Variants in CDH4 observed in about 807,000 individuals in gnomAD.
The protein encoded by CDH4 is cadherin 4.
In CDH4, 33 loss-of-function variants were observed where a neutral mutation model predicts 86.0. The ratio of observed to expected loss-of-function variants is 0.38; its 90% confidence interval spans 0.29 to 0.51. The LOEUF (loss-of-function observed/expected upper bound fraction) is 0.51. CDH4 is among the 20% of genes least tolerant of loss of function. The pLI is 0.86. For synonymous variants in CDH4, 555 were observed against 549.4 expected (o/e 1.01, Z -0.14); for missense variants, 1,114 against 1,307.4 (o/e 0.85, Z 2.28).
At chr20:61,932,463 A>T (rs2055122300) in intron 13 of CDH4, among the ~76,000 whole-genome samples, 1 of 152,130 alleles carries the variant, frequency 6.6e-6, no homozygotes, top group African/African-American at 2.4e-5. Flanking sequence ...ATGGACATGA[A>T]CACATGCACT....
At chr20:61,274,576 TG>T (rs1403082171) in intron 2 of CDH4, among the ~76,000 whole-genome samples, 1 of 22,302 alleles carries the variant, frequency 4.5e-5, no homozygotes, top group Non-Finnish European at 1.2e-4. Flanking sequence ...GTGCACAGCT[TG>T]GGGGAGTACT....
chr20:61,929,756 A>T lies in CDH4; in HGVS notation c.2153A>T (p.Asp718Val). The part of the protein sequence containing the change: ...VKVCPCDDNG[D>V]CTTIGAVAAA... ...GTGTGCCCATGTGATGACAACGGGG[A>T]CTGCACCACCATTGGCGCAGTGGCA... Residue 718 changes from aspartate (D) to valine (V), a missense_variant, in exon 13 of 16, where the codon GAC becomes GTC. Around this residue, in one of 3 missense-constraint regions of CDH4, gnomAD observed 705 missense variants for 914.1 expected, o/e 0.77. Coordinates refer to ENST00000614565, the MANE Select transcript of CDH4 (RefSeq NM_001794.5). 1 of 1,614,104 alleles carries T rather than the reference A, an allele frequency of 6.2e-7. No homozygotes were observed. Among genetic ancestry groups the T allele is most frequent in the East Asian group, 2.2e-5 (1 of 44,874 alleles).
chr20:61,338,394 G>A (rs2084631407), intron 2 of CDH4, among the ~76,000 whole-genome samples: 1 of 152,156 alleles, frequency 6.6e-6, no homozygotes, highest in Non-Finnish European at 1.5e-5. Context: ...TTGAGTAGTT[G>A]TACATAAGAT....
chr20:61,507,458 C>T (rs1340898714), intron 2 of CDH4, among the ~76,000 whole-genome samples: 1 of 152,172 alleles, frequency 6.6e-6, no homozygotes, highest in African/African-American at 2.4e-5. Flanking sequence ...CGTGACCGGG[C>T]TGCTCTTCTG....
At chr20:61,283,682 C>G (rs1001069134) in intron 2 of CDH4, among the ~76,000 whole-genome samples, 1 of 152,226 alleles carries the variant, frequency 6.6e-6, no homozygotes, top group Non-Finnish European at 1.5e-5. Flanking sequence ...CCTCCTGGGA[C>G]TGATGCCATG....
intron 2 of CDH4, among the ~76,000 whole-genome samples, chr20:61,295,187 T>C (rs2084345578): frequency 6.6e-6 from 1 of 152,234 alleles, no homozygotes; most frequent in Non-Finnish European, 1.5e-5. Context: ...AAGAATACTT[T>C]GTTTTTAAAA....
In CDH4 at chr20:61,684,994, A is replaced by G. The variant is rs79600435; in HGVS notation, c.170-58569A>G. Among the ~76,000 whole-genome samples the G allele has an allele frequency of 0.016, 2,487 of 152,264 alleles. 67 individuals carry two copies. The highest frequency in any genetic ancestry group is 0.058 in the African/African-American group (2,390 of 41,532). ...CCATGTATAGTGTAGAGTTGAGTATATGTTACAGAGAGCAACTGTTGCTGT... is the reference window on the plus strand; with the variant it reads ...CCATGTATAGTGTAGAGTTGAGTATGTGTTACAGAGAGCAACTGTTGCTGT... On this transcript the variant is annotated intron_variant, in intron 2 of 15. Coordinates refer to ENST00000614565, the MANE Select transcript of CDH4 (RefSeq NM_001794.5). The surrounding 1 kb of genome is among the most constrained non-coding windows in gnomAD (Gnocchi z 4.5).
chr20:61,730,314 CCCT>C (rs2088163522), intron 2 of CDH4, among the ~76,000 whole-genome samples: 1 of 152,112 alleles, frequency 6.6e-6, no homozygotes, highest in Non-Finnish European at 1.5e-5. Context: ...GTCCCCCATG[CCCT>C]CCTGTTCATC....
intron 2 of CDH4, among the ~76,000 whole-genome samples, chr20:61,284,953 G>A (rs994005619): frequency 2.6e-5 from 4 of 152,258 alleles, no homozygotes; most frequent in African/African-American, 9.6e-5. Context: ...ACAGGCTGCA[G>A]CCAGATTGGG....
chr20:61,705,820 G>A (rs148166113), intron 2 of CDH4, among the ~76,000 whole-genome samples: 2 of 152,364 alleles, frequency 1.3e-5, no homozygotes, highest in Admixed American at 6.5e-5. Context: ...GCAAGGGGCT[G>A]GCCGGGCTCT....
chr20:61,537,595 A>C (rs1481230319), intron 2 of CDH4, among the ~76,000 whole-genome samples: 2 of 152,204 alleles, frequency 1.3e-5, no homozygotes, highest in Non-Finnish European at 2.9e-5. Context: ...TCTAGAACTC[A>C]AGGAGCCAGG....
chr20:61,831,348 T>C (rs1981603530), intron 4 of CDH4, among the ~76,000 whole-genome samples: 1 of 152,210 alleles, frequency 6.6e-6, no homozygotes, highest in Non-Finnish European at 1.5e-5. Context: ...GAAGCAGCCA[T>C]TTCTTTGTAA....
At chr20:61,487,750 A>G (rs950569043) in intron 2 of CDH4, among the ~76,000 whole-genome samples, 2 of 152,182 alleles carry the variant, frequency 1.3e-5, no homozygotes, top group African/African-American at 4.8e-5. Flanking sequence ...TCAAAGCCCA[A>G]CATCTGGGTC....
intron 2 of CDH4, among the ~76,000 whole-genome samples, chr20:61,729,158 A>G (rs58516032): frequency 0.024 from 3,638 of 152,312 alleles, 142 homozygotes; most frequent in African/African-American, 0.084. Context: ...TCACAAGCCC[A>G]GGAGTCCTCG....
At chr20:61,327,378 G>A (rs2084542383) in intron 2 of CDH4, among the ~76,000 whole-genome samples, 1 of 152,192 alleles carries the variant, frequency 6.6e-6, no homozygotes, top group Non-Finnish European at 1.5e-5. Flanking sequence ...TCAATTTGGT[G>A]GAGGTTGGGG....
At chr20:61,620,560 G>C (rs568663255) in intron 2 of CDH4, among the ~76,000 whole-genome samples, 2 of 152,176 alleles carry the variant, frequency 1.3e-5, no homozygotes, top group South Asian at 4.1e-4. Flanking sequence ...GATACATGGA[G>C]AAATAAAGAG....
At chr20:61,372,126 G>A (rs1460209132) in intron 2 of CDH4, among the ~76,000 whole-genome samples, 1 of 152,164 alleles carries the variant, frequency 6.6e-6, no homozygotes, top group East Asian at 1.9e-4. Context: ...TTCTCTGCCG[G>A]GTGTTTTGGC....
At chr20:61,367,442 G>A (rs1265041309) in intron 2 of CDH4, among the ~76,000 whole-genome samples, 2 of 152,048 alleles carry the variant, frequency 1.3e-5, no homozygotes, top group East Asian at 3.9e-4. Flanking sequence ...AAATAGTGGT[G>A]GGAATGTGAT....
At chr20:61,860,247 A>G (rs944683921) in intron 6 of CDH4, among the ~76,000 whole-genome samples, 1 of 152,166 alleles carries the variant, frequency 6.6e-6, no homozygotes, top group Non-Finnish European at 1.5e-5. Context: ...TAATAAATAC[A>G]AGACAACTTT....
Sources: allele counts gnomAD v4.1 joint callset (sites outside exome capture counted in the v4.1 genomes callset), GRCh38; gene constraint gnomAD v4.1.1; regional missense constraint gnomAD v4.1.1; non-coding constraint Gnocchi (gnomAD v3.1); transcripts MANE v1.5; gene names NCBI Gene and HGNC (gene_info 2026-07-23, HGNC 2026-07-21).